The following MTCH2 variants were observed in gnomAD, a reference collection of about 807,000 sequenced individuals.
The protein encoded by MTCH2 is mitochondrial carrier homolog 2.
In MTCH2, 25 loss-of-function variants were observed where a neutral mutation model predicts 50.6. The observed-to-expected ratio is 0.49, with a 90% CI of 0.36 to 0.69. The LOEUF (loss-of-function observed/expected upper bound fraction) is 0.69, where lower values mean the gene tolerates loss of function less well. Ranked by LOEUF, MTCH2 falls within the 30% of genes least tolerant of loss-of-function variation. The pLI is 0.00. For missense variants in MTCH2, 273 were observed against 384.4 expected, an observed-to-expected ratio of 0.71 and a Z score of 2.42; for synonymous variants, 106 against 132.0, an observed-to-expected ratio of 0.80 and a Z score of 1.35.
intron 3 of MTCH2, among the ~76,000 whole-genome samples, chr11:47,637,459 T>C (rs944178560): frequency 3.9e-5 from 6 of 152,156 alleles, no homozygotes; most frequent in Non-Finnish European, 8.8e-5. Context: ...ATCGCCTCAC[T>C]TTCTCCTTTG....
At chr11:47,638,545 CA>C (rs59317101) in intron 3 of MTCH2, among the ~76,000 whole-genome samples, 153 bp downstream of exon 3, 5 of 53,066 alleles carry the variant, frequency 9.4e-5, no homozygotes, top group Non-Finnish European at 1.6e-4. Context: ...GACTCCATCT[CA>C]AAAAAAAAAA....
At chr11:47,633,778 C>A (rs2097305937) in intron 5 of MTCH2, among the ~76,000 whole-genome samples, 2 of 151,474 alleles carry the variant, frequency 1.3e-5, no homozygotes, top group Non-Finnish European at 2.9e-5. Context: ...CTCAGGTGAT[C>A]CGCCCGCCTC....
intron 1 of MTCH2, among the ~76,000 whole-genome samples, chr11:47,639,487 C>A (rs1461884977): frequency 6.6e-6 from 1 of 152,244 alleles, no homozygotes; most frequent in Non-Finnish European, 1.5e-5. Flanking sequence ...AAGGCAAATG[C>A]AGATATAGCT....
chr11:47,618,998 A>G, intron 12 of MTCH2, 79 bp from the exon 13 acceptor site: 4 of 1,266,156 alleles, frequency 3.2e-6, no homozygotes, highest in Non-Finnish European at 4.6e-6. Flanking sequence ...AGAGAGGTCC[A>G]ATTGGGAGAC....
At position 47,632,522 on chromosome 11, in the gene MTCH2, T is replaced by A. The variant is rs2097304029; in HGVS notation, c.370-811A>T. 2.0e-5 allele frequency among the ~76,000 whole-genome samples: 3 copies of A among 151,756 alleles called. No individual in the cohort carries two copies. In the South Asian group the frequency reaches 6.2e-4, roughly 32 times the overall value. On this transcript the variant is annotated intron_variant, in intron 5 of 12. Transcript: ENST00000302503. The stretch of plus-strand genomic sequence containing the variant: ...GCACCCGCCATCATGCCCGGCTAAT[T>A]TTTTTTCTTTGTATTTTTTAGTAGA...
intron 6 of MTCH2, 42 bp from the exon 7 acceptor site, chr11:47,631,129 C>T (rs1214111847): frequency 1.3e-6 from 2 of 1,558,030 alleles, no homozygotes; most frequent in Non-Finnish European, 8.8e-7. Flanking sequence ...TATGTTAAGG[C>T]CAGGTGCGGT....
Position 47,635,657 on chromosome 11 carries a change from G to A in MTCH2, c.280-86C>T. 3.9e-6 allele frequency: 5 copies of A among 1,286,474 alleles called. No homozygotes were observed. In the South Asian group the frequency reaches 5.3e-5, roughly 14 times the overall value. 79.7% of individuals were successfully genotyped at this position (1,286,474 alleles called of 1,614,324 possible). A position where few individuals can be genotyped will look rare whatever the true frequency, so the allele number is the denominator to read the frequency against. ...AAAATGAAAACTCTACTGACAGAAA[G>A]TAAATTAGCTGAAGTTTTTTTTAAA... is the stretch of plus-strand genomic sequence containing the variant. On this transcript the variant is annotated intron_variant, in intron 3 of 12. Transcript: ENST00000302503.
At chr11:47,636,219 A>C (rs1368767464) in intron 3 of MTCH2, among the ~76,000 whole-genome samples, 1 of 152,046 alleles carries the variant, frequency 6.6e-6, no homozygotes, top group Non-Finnish European at 1.5e-5. Context: ...GGATCACCTG[A>C]GGTTAGGAAT....
At position 47,639,035 on chromosome 11, in the gene MTCH2, A is replaced by C; in HGVS notation, c.104T>G (p.Leu35Arg). 1.9e-6 allele frequency: 3 copies of C among 1,612,800 alleles called. No individual in the cohort carries two copies. The highest frequency in any genetic ancestry group is 2.5e-6 in the Non-Finnish European group (3 of 1,179,106). Residue 35 changes from leucine (L) to arginine (R), a missense_variant, in exon 2 of 13, where the codon CTT becomes CGT. Around this residue, in one of 2 missense-constraint regions of MTCH2, gnomAD observed 203 missense variants for 244.3 expected, o/e 0.83. Transcript: ENST00000302503. ...KVLIQVGYEP[L>R]PPTIGRNIFG... is the part of the protein sequence containing the mutation. ...AATATTTCGTCCTATTGTTGGAGGA[A>C]GAGGCTCATATCCCACCTTTAAAAA...
intron 3 of MTCH2, among the ~76,000 whole-genome samples, chr11:47,636,133 A>G (rs139575796): frequency 6.6e-6 from 1 of 151,900 alleles, no homozygotes; most frequent in Non-Finnish European, 1.5e-5. Context: ...GTCTCAAGAA[A>G]AAAAAAAAGA....
chr11:47,633,625 C>T (rs1467556944), intron 5 of MTCH2, among the ~76,000 whole-genome samples: 5 of 147,116 alleles, frequency 3.4e-5, no homozygotes, highest in South Asian at 2.1e-4. Context: ...CAACCTCTGC[C>T]TCCCGGGTTC....
chr11:47,629,858 C>T (rs2097301428), intron 8 of MTCH2, among the ~76,000 whole-genome samples: 1 of 151,678 alleles, frequency 6.6e-6, no homozygotes. Context: ...TCAAGCCTTG[C>T]AAAAACTTAC....
chr11:47,630,933 T>G lies in MTCH2; in HGVS notation c.479+103A>C, dbSNP rs545739115. Reference sequence around the variant, plus strand: ...GATCAAATGACATCAGATACGAATTTGTTCTACAAATTGTAAGGGTATCAT... The same window carrying G: ...GATCAAATGACATCAGATACGAATTGGTTCTACAAATTGTAAGGGTATCAT... On this transcript the variant is annotated intron_variant, in intron 7 of 12. Coordinates refer to ENST00000302503, the MANE Select transcript of MTCH2 (RefSeq NM_014342.4). The G allele has an allele frequency of 1.9e-4, 192 of 993,806 alleles. No homozygotes were observed. The African/African-American group carries it at 3.0e-3, about 15-fold the overall frequency. The allele number at this position is 993,806 out of a possible 1,614,324, so 61.6% of individuals were successfully genotyped here.
downstream of MTCH2, among the ~76,000 whole-genome samples, chr11:47,614,548 C>A (rs1471925752): frequency 6.6e-6 from 1 of 152,120 alleles, no homozygotes; most frequent in Non-Finnish European, 1.5e-5. Flanking sequence ...CCCACTGCAA[C>A]CTCCGCCTCC....
chr11:47,635,164 G>C (rs1186312870), intron 4 of MTCH2, among the ~76,000 whole-genome samples: 1 of 151,996 alleles, frequency 6.6e-6, no homozygotes, highest in East Asian at 1.9e-4. Context: ...CTGCAGTCTT[G>C]ACGTCCTGGA....
At chr11:47,625,548 CT>C in intron 11 of MTCH2, 125 bp downstream of exon 11, 1 of 736,968 alleles carries the variant, frequency 1.4e-6, no homozygotes. Context: ...TCCTCCCCCC[CT>C]TTTTAAAAAA....
intron 1 of MTCH2, among the ~76,000 whole-genome samples, chr11:47,641,169 C>T (rs1017027128): frequency 6.6e-6 from 1 of 152,174 alleles, no homozygotes; most frequent in South Asian, 2.1e-4. Context: ...GCTGGGAAGG[C>T]GTGAGCGAAC....
chr11:47,630,627 G>A lies in MTCH2; in HGVS notation c.480-13C>T. On this transcript the variant is annotated splice_polypyrimidine_tract_variant and intron_variant, in intron 7 of 12. Coordinates refer to ENST00000302503, the MANE Select transcript of MTCH2 (RefSeq NM_014342.4). ...ATCACAAAGTCCACTACGTACACAA[G>A]AAGAAAAGGTAAAATATATTAAGAT... is the stretch of plus-strand genomic sequence containing the variant. 2 of 1,597,172 alleles carry A rather than the reference G, an allele frequency of 1.3e-6. No individual in the cohort carries two copies. The highest frequency in any genetic ancestry group is 2.2e-5 in the South Asian group (2 of 90,364).
chr11:47,635,127 G>A (rs755447719), intron 4 of MTCH2, among the ~76,000 whole-genome samples: 4 of 151,660 alleles, frequency 2.6e-5, no homozygotes, highest in East Asian at 1.9e-4. Flanking sequence ...TCACTCACGC[G>A]GAGTGCAGTG....
Sources: gnomAD v4.1 joint callset for allele counts (sites outside exome capture counted in the v4.1 genomes callset) on GRCh38, gnomAD v4.1.1 for gene constraint, gnomAD v4.1.1 regional missense constraint, MANE v1.5 for transcripts, NCBI Gene and HGNC (gene_info 2026-07-23, HGNC 2026-07-21) for gene names.